THBS4: variants seen among roughly 807,000 people sequenced by gnomAD.
THBS4 encodes the protein thrombospondin-4.
In THBS4, 90 loss-of-function variants were observed where a neutral mutation model predicts 115.7. The observed-to-expected ratio is 0.78, with a 90% CI of 0.66 to 0.93. The LOEUF (loss-of-function observed/expected upper bound fraction) is 0.93. Ranked by LOEUF, THBS4 falls within the 40% of genes least tolerant of loss-of-function variation. The pLI is 0.00. For missense variants in THBS4, 1,087 were observed against 1,232.7 expected (o/e 0.88, Z 1.77); for synonymous variants, 460 against 479.3 (o/e 0.96, Z 0.53).
intron 8 of THBS4, among the ~76,000 whole-genome samples, chr5:80,065,204 A>G (rs1045834598): frequency 1.3e-5 from 2 of 152,200 alleles, no homozygotes; most frequent in Admixed American, 1.3e-4. Flanking sequence ...TTTCAATACC[A>G]TGAAAGCAAT....
chr5:80,009,656 C>A (rs1471087436), intron 2 of THBS4, among the ~76,000 whole-genome samples: 43 of 148,636 alleles, frequency 2.9e-4, no homozygotes, highest in African/African-American at 7.9e-4. Context: ...AAGAAAAACT[C>A]AAAAAAAAAA....
At chr5:80,025,020 C>T (rs1269423553) in intron 2 of THBS4, among the ~76,000 whole-genome samples, 1 of 152,082 alleles carries the variant, frequency 6.6e-6, no homozygotes, top group Admixed American at 6.5e-5. Flanking sequence ...AACTATAGTA[C>T]CTGCTGAAAA....
chr5:80,042,595 G>T (rs920609642), intron 2 of THBS4, among the ~76,000 whole-genome samples: 1 of 152,184 alleles, frequency 6.6e-6, no homozygotes, highest in African/African-American at 2.4e-5. Context: ...AGTAACACTG[G>T]ATTTAATGGG....
chr5:80,039,421 A>G (rs1409585511), intron 1 of THBS4, among the ~76,000 whole-genome samples: 3 of 152,374 alleles, frequency 2.0e-5, no homozygotes, highest in East Asian at 3.9e-4. Flanking sequence ...ATTTTTGTAG[A>G]GCAATTCTAT....
intron 2 of THBS4, among the ~76,000 whole-genome samples, chr5:80,027,564 G>A (rs1832502125): frequency 6.6e-6 from 1 of 152,046 alleles, no homozygotes; most frequent in South Asian, 2.1e-4. Context: ...CTAGAGGAGT[G>A]ATGTGACACA....
In THBS4 at chr5:80,035,919, T is replaced by G. The variant is rs939415129; in HGVS notation, c.88+294T>G. ...GCCTTCAAAACTTGCTACACGGTCC[T>G]AGACCTCTTAACATGTTAGGCTCTG... On this transcript the variant is annotated intron_variant, in intron 1 of 21. Transcript: ENST00000350881. The surrounding 1 kb of genome is among the most constrained non-coding windows in gnomAD (Gnocchi z 4.6). 9.9e-7 allele frequency: 1 copy of G among 1,010,618 alleles called. No individual in the cohort carries two copies. The highest frequency in any genetic ancestry group is 1.2e-6 in the Non-Finnish European group (1 of 817,934). The allele number at this position is 1,010,618 out of a possible 1,614,324, so 62.6% of individuals were successfully genotyped here. A position where few individuals can be genotyped will look rare whatever the true frequency, so the allele number is the denominator to read the frequency against.
rs528992661 is a variant in THBS4 at position 80,017,854 on chromosome 5, G to T, written n.177+19427G>T. Among the ~76,000 whole-genome samples, 11 of 152,098 alleles carry T rather than the reference G, an allele frequency of 7.2e-5. No individual in the cohort carries two copies. In the East Asian group the frequency reaches 2.1e-3, roughly 29 times the overall value. On this transcript the variant is annotated intron_variant and non_coding_transcript_variant, in intron 2 of 3. Coordinates refer to the THBS4 transcript ENST00000510218. The stretch of plus-strand genomic sequence containing the variant: ...TTCTTAAACGATCTTTTTACTAATC[G>T]TGGGATTTGGGATTGATCTTTTTTT...
intron 4 of THBS4, 26 bp downstream of exon 4, chr5:80,058,340 G>A (rs1241297354): frequency 2.0e-6 from 3 of 1,511,836 alleles, no homozygotes; most frequent in Non-Finnish European, 2.7e-6. Context: ...CAGTTTGCAT[G>A]CCTTCATCAA....
At chr5:80,074,975 C>T (rs556771693) in intron 15 of THBS4, among the ~76,000 whole-genome samples, 2 of 152,156 alleles carry the variant, frequency 1.3e-5, no homozygotes, top group South Asian at 4.2e-4. Flanking sequence ...CCCTCTGCCC[C>T]CAGGATACCA....
chr5:80,004,907 T>C (rs765985336), intron 2 of THBS4, among the ~76,000 whole-genome samples: 1 of 151,984 alleles, frequency 6.6e-6, no homozygotes, highest in Non-Finnish European at 1.5e-5. Flanking sequence ...CCGGCTAATT[T>C]TTGTATTTTT....
rs1833643751 is a variant in THBS4, at chr5:80,061,736, T to TAA, written c.1029_1030insAA (p.Leu344AsnfsTer73). On this transcript the variant is annotated frameshift_variant, in exon 8 of 22. Coordinates refer to ENST00000350881, the MANE Select transcript of THBS4 (RefSeq NM_003248.6). LOFTEE classifies it high-confidence loss of function. ...GCTACCCGGGCGTGCACTGCATAAA[T>TAA]TTGTCTCCTGGCTTCAGATGTGACG... 1.9e-6 allele frequency: 3 copies of TAA among 1,614,032 alleles called. No homozygotes were observed. The highest frequency in any genetic ancestry group is 2.5e-6 in the Non-Finnish European group (3 of 1,180,036).
Position 80,038,287 on chromosome 5 carries a change from A to G in THBS4, c.89-1790A>G, listed in dbSNP as rs78705535. On this transcript the variant is annotated intron_variant, in intron 1 of 21. Transcript: ENST00000350881. ...TTCAAATATTTTTCTATGCAAAAAT[A>G]TATTTCAAATGGAATTACGTTATAC... Among the ~76,000 whole-genome samples, 14 of 152,348 alleles carry G rather than the reference A, an allele frequency of 9.2e-5. No homozygotes were observed. The East Asian group carries it at 2.5e-3, about 27-fold the overall frequency.
intron 2 of THBS4, among the ~76,000 whole-genome samples, chr5:80,021,832 T>G (rs1832383856): frequency 6.6e-6 from 1 of 152,180 alleles, no homozygotes; most frequent in Non-Finnish European, 1.5e-5. Context: ...GTACTTTTCA[T>G]TCAACTTTTT....
intron 2 of THBS4, among the ~76,000 whole-genome samples, chr5:80,047,262 C>T (rs1305595952): frequency 6.6e-6 from 1 of 152,138 alleles, no homozygotes. Flanking sequence ...CTTAATTGTC[C>T]AGGCCACATC....
chr5:80,020,998 T>C (rs1832360908), intron 2 of THBS4, among the ~76,000 whole-genome samples: 3 of 152,198 alleles, frequency 2.0e-5, no homozygotes, highest in South Asian at 2.1e-4. Flanking sequence ...TCACCTAAAA[T>C]TGAATTAACA....
At chr5:80,013,504 A>G (rs1832188132) in intron 2 of THBS4, among the ~76,000 whole-genome samples, 1 of 152,170 alleles carries the variant, frequency 6.6e-6, no homozygotes, top group African/African-American at 2.4e-5. Flanking sequence ...TATTTTAAGA[A>G]TAAAGTGATA....
chr5:80,011,547 C>T (rs756574977), intron 2 of THBS4, among the ~76,000 whole-genome samples: 9 of 152,098 alleles, frequency 5.9e-5, no homozygotes, highest in Middle Eastern at 6.3e-3. Context: ...GATCAAAAAC[C>T]ACTTCATTGA....
intron 2 of THBS4, among the ~76,000 whole-genome samples, chr5:80,047,687 G>T (rs1358529103): frequency 2.0e-5 from 3 of 149,934 alleles, no homozygotes; most frequent in Non-Finnish European, 4.4e-5. Context: ...AGGCTGGAGT[G>T]CAATGGCGCG....
Position 80,076,863 on chromosome 5 carries a change from A to G in THBS4, c.1901A>G (p.Asp634Gly). ...SCDTNQDSDG[D>G]GHQDSTDNCP... ...TGTCCTTTCTCCTGCAGTGATGGAG[A>G]TGGGCACCAGGACAGCACAGACAAC... The change falls in exon 16 of 22, where the codon GAT becomes GGT. Residue 634 changes from aspartate to glycine, a missense_variant. By Grantham distance (94) the Asp-to-Gly change is moderately conservative (BLOSUM62 -1). Around this residue, in one of 3 missense-constraint regions of THBS4, gnomAD observed 979 missense variants for 1,103.7 expected, o/e 0.89. Coordinates refer to ENST00000350881, the MANE Select transcript of THBS4 (RefSeq NM_003248.6). 4.4e-6 allele frequency: 7 copies of G among 1,582,208 alleles called. No individual in the cohort carries two copies. Among genetic ancestry groups the G allele is most frequent in the Non-Finnish European group, 6.0e-6 (7 of 1,163,078 alleles).
Sources: gnomAD v4.1 joint callset for allele counts (sites outside exome capture counted in the v4.1 genomes callset) on GRCh38, gnomAD v4.1.1 for gene constraint, gnomAD v4.1.1 regional missense constraint, Gnocchi (gnomAD v3.1) non-coding constraint, MANE v1.5 for transcripts, NCBI Gene and HGNC (gene_info 2026-07-23, HGNC 2026-07-21) for gene names.